The following SPMIP4 variants were observed in gnomAD, a reference collection of about 807,000 sequenced individuals.
SPMIP4 encodes sperm microtubule inner protein 4.
At chr7:25,136,332 T>C in the SPMIP4 span, 1 of 1,614,186 alleles carries the variant, frequency 6.2e-7, no homozygotes, top group Admixed American at 1.7e-5. The surrounding 1 kb of genome is among the most constrained non-coding windows in gnomAD (Gnocchi z 5.7). Context: ...ACTGATCACG[T>C]AGGGGAGATT....
At chr7:25,127,657 A>AT in the SPMIP4 span, among the ~76,000 whole-genome samples, 1 of 152,014 alleles carries the variant, frequency 6.6e-6, no homozygotes, top group Non-Finnish European at 1.5e-5. Flanking sequence ...TTGAAAAGTC[A>AT]CATATCTCTT....
the SPMIP4 span, among the ~76,000 whole-genome samples, chr7:25,126,519 A>G: frequency 3.9e-5 from 6 of 152,218 alleles, no homozygotes; most frequent in Non-Finnish European, 5.9e-5. Flanking sequence ...TGATGACAAC[A>G]TAACATTGAT....
the SPMIP4 span, among the ~76,000 whole-genome samples, chr7:25,152,695 CTCTT>C: frequency 6.6e-6 from 1 of 151,332 alleles, no homozygotes; most frequent in Non-Finnish European, 1.5e-5. Flanking sequence ...CCCTCCCTTC[CTCTT>C]TCTCTCTCTC....
chr7:25,168,109 CA>C, the SPMIP4 span, among the ~76,000 whole-genome samples: 4 of 152,262 alleles, frequency 2.6e-5, no homozygotes, highest in African/African-American at 9.6e-5. Flanking sequence ...CTAAGGACAG[CA>C]AAAACCATTC....
At chr7:25,165,174 A>G in the SPMIP4 span, among the ~76,000 whole-genome samples, 1 of 152,226 alleles carries the variant, frequency 6.6e-6, no homozygotes, top group South Asian at 2.1e-4. Context: ...AGGTGTGGGA[A>G]TGAGGACTAC....
the SPMIP4 span, chr7:25,134,551 TGCCACCCTTGCA>T: frequency 2.4e-6 from 1 of 414,404 alleles, no homozygotes; most frequent in Non-Finnish European, 3.2e-6. Flanking sequence ...GAGAAGGCTG[TGCCACCCTTGCA>T]TGGAGGTAGG....
chr7:25,143,389 C>T, the SPMIP4 span, among the ~76,000 whole-genome samples: 1 of 152,158 alleles, frequency 6.6e-6, no homozygotes. Context: ...TTCACCTTTT[C>T]TCAGTATCTC....
the SPMIP4 span, among the ~76,000 whole-genome samples, chr7:25,157,472 T>C: frequency 6.6e-6 from 1 of 151,984 alleles, no homozygotes; most frequent in East Asian, 1.9e-4. Flanking sequence ...GCAGTCAGGG[T>C]TAACATCACC....
chr7:25,155,749 C>A, the SPMIP4 span, among the ~76,000 whole-genome samples: 1 of 151,932 alleles, frequency 6.6e-6, no homozygotes, highest in East Asian at 1.9e-4. Context: ...AAACAGCTAG[C>A]ACACTGAAGG....
chr7:25,135,400 TCTTTA>T, the SPMIP4 span: 1 of 985,556 alleles, frequency 1.0e-6, no homozygotes, highest in Non-Finnish European at 1.2e-6. Context: ...TGACTTATTT[TCTTTA>T]CATGTTTACA....
At chr7:25,161,712 C>G in the SPMIP4 span, among the ~76,000 whole-genome samples, 3 of 150,502 alleles carry the variant, frequency 2.0e-5, no homozygotes, top group Non-Finnish European at 2.9e-5. Context: ...GCCTCAGCCT[C>G]CCAAAGTGCT....
the SPMIP4 span, among the ~76,000 whole-genome samples, chr7:25,160,455 C>T: frequency 6.6e-6 from 1 of 152,060 alleles, no homozygotes; most frequent in Non-Finnish European, 1.5e-5. Flanking sequence ...CCTGCCATCA[C>T]GCCCAGCTAA....
the SPMIP4 span, among the ~76,000 whole-genome samples, chr7:25,147,029 C>T: frequency 6.6e-6 from 1 of 152,234 alleles, no homozygotes; most frequent in Non-Finnish European, 1.5e-5. Flanking sequence ...CACACAGTGG[C>T]TCACACCTGT....
At chr7:25,171,631 GA>G in the SPMIP4 span, among the ~76,000 whole-genome samples, 2 of 152,206 alleles carry the variant, frequency 1.3e-5, no homozygotes, top group African/African-American at 2.4e-5. Context: ...GACAGAAAGG[GA>G]TAAGTGCTAC....
At chr7:25,168,400 C>G in the SPMIP4 span, 1 of 1,612,258 alleles carries the variant, frequency 6.2e-7, no homozygotes, top group Non-Finnish European at 8.5e-7. Flanking sequence ...TATTATCCCA[C>G]CATACTCTCT....
chr7:25,158,237 GCA>G, the SPMIP4 span, among the ~76,000 whole-genome samples: 1 of 151,900 alleles, frequency 6.6e-6, no homozygotes, highest in East Asian at 1.9e-4. Context: ...GCATAGTGGT[GCA>G]CACCTGTAGT....
At chr7:25,146,327 G>A in the SPMIP4 span, among the ~76,000 whole-genome samples, 1 of 152,198 alleles carries the variant, frequency 6.6e-6, no homozygotes, top group African/African-American at 2.4e-5. Context: ...GACAGAAGAT[G>A]AGGAGAGAGA....
At chr7:25,176,220 G>A in the SPMIP4 span, among the ~76,000 whole-genome samples, 1 of 152,228 alleles carries the variant, frequency 6.6e-6, no homozygotes, top group Non-Finnish European at 1.5e-5. The surrounding 1 kb of genome is among the most constrained non-coding windows in gnomAD (Gnocchi z 4.4). Flanking sequence ...CGTTTAGGTA[G>A]AGGGGATCAA....
the SPMIP4 span, among the ~76,000 whole-genome samples, chr7:25,143,941 T>C: frequency 1.3e-5 from 2 of 152,126 alleles, no homozygotes; most frequent in African/African-American, 4.8e-5. Flanking sequence ...AGAGATTGAA[T>C]TCACCTGAAT....
Sources: gnomAD v4.1 joint callset for allele counts (sites outside exome capture counted in the v4.1 genomes callset) on GRCh38, gnomAD v4.1.1 for gene constraint, Gnocchi (gnomAD v3.1) non-coding constraint, MANE v1.5 for transcripts, NCBI Gene and HGNC (gene_info 2026-07-23, HGNC 2026-07-21) for gene names.